EPHB2: variants seen among roughly 807,000 people sequenced by gnomAD.
EPHB2 encodes ephrin type-B receptor 2.
In EPHB2, 18 loss-of-function variants were observed where a neutral mutation model predicts 96.4. That is an observed-to-expected ratio of 0.19 (90% CI 0.13 to 0.28). The LOEUF is 0.28. Ranked by LOEUF, EPHB2 falls within the 10% of genes least tolerant of loss-of-function variation. The pLI, the probability that EPHB2 is intolerant of heterozygous loss-of-function variation, is 1.00. For synonymous variants in EPHB2, 506 were observed against 534.1 expected, an observed-to-expected ratio of 0.95 and a Z score of 0.72; for missense variants, 989 against 1,355.4, an observed-to-expected ratio of 0.73 and a Z score of 4.25.
intron 6 of EPHB2, among the ~76,000 whole-genome samples, chr1:22,883,860 G>T (rs536326370): frequency 6.6e-6 from 1 of 152,112 alleles, no homozygotes; most frequent in Non-Finnish European, 1.5e-5. Context: ...CGGCATCCAG[G>T]CCTGGCACCA....
At chr1:22,718,874 G>A (rs901875115) in intron 1 of EPHB2, among the ~76,000 whole-genome samples, 1 of 152,140 alleles carries the variant, frequency 6.6e-6, no homozygotes, top group African/African-American at 2.4e-5. Context: ...TGAAACCCAA[G>A]TCTGGTGACT....
Position 22,905,899 on chromosome 1 carries a change from T to A in EPHB2, c.1766-88T>A, listed in dbSNP as rs112751034. ...TATGGGGGCCACATGGGAGTGGATT[T>A]CCCTCCACGGAGGGACTGGCTCCCG... On this transcript the variant is annotated intron_variant, in intron 9 of 15. Transcript: ENST00000374630. The A allele has an allele frequency of 1.5e-4, 235 of 1,605,786 alleles. 1 individual carries two copies. In the Middle Eastern group the frequency reaches 3.1e-3, roughly 21 times the overall value.
chr1:22,913,222 C>T lies in EPHB2; in HGVS notation c.2853-240C>T, dbSNP rs1391243663. ...AAGAAAGAAAATGTAAGCTGGCTTCCCCCTCCCAATAGCAGGGGAGAGAAG... is the reference window on the plus strand; with the variant it reads ...AAGAAAGAAAATGTAAGCTGGCTTCTCCCTCCCAATAGCAGGGGAGAGAAG... On this transcript the variant is annotated intron_variant, in intron 15 of 15. Transcript: ENST00000374630. The surrounding 1 kb of genome is among the most constrained non-coding windows in gnomAD (Gnocchi z 4.1). 3.4e-6 allele frequency: 2 copies of T among 586,678 alleles called. No individual in the cohort carries two copies. Among genetic ancestry groups the T allele is most frequent in the Non-Finnish European group, 6.1e-6 (2 of 328,518 alleles). The allele number at this position is 586,678 out of a possible 1,614,324, so 36.3% of individuals were successfully genotyped here.
intron 1 of EPHB2, among the ~76,000 whole-genome samples, chr1:22,713,286 G>A (rs1350470998): frequency 2.0e-5 from 3 of 152,156 alleles, no homozygotes; most frequent in African/African-American, 4.8e-5. Context: ...GGTGTGAGGT[G>A]GAGGTCAGAG....
At chr1:22,861,650 A>T (rs1638262639) in intron 3 of EPHB2, among the ~76,000 whole-genome samples, 1 of 152,086 alleles carries the variant, frequency 6.6e-6, no homozygotes, top group Admixed American at 6.5e-5. Context: ...TTGGTGGGTA[A>T]GTAAAGCACT....
At position 22,910,372 on chromosome 1, in the gene EPHB2, A is replaced by T; in HGVS notation, c.2503-10A>T. 1 of 1,614,140 alleles carries T rather than the reference A, an allele frequency of 6.2e-7. No individual in the cohort carries two copies. The highest frequency in any genetic ancestry group is 8.5e-7 in the Non-Finnish European group (1 of 1,180,000). ...CCACCCAACCCCACTGCACTCCTGC[A>T]TTGTCCCAGGTAATCAATGCCATTG... On this transcript the variant is annotated splice_polypyrimidine_tract_variant and intron_variant, in intron 13 of 15. Transcript: ENST00000374630.
At chr1:22,717,163 G>GCTGGCT (rs1643315712) in intron 1 of EPHB2, among the ~76,000 whole-genome samples, 1 of 152,218 alleles carries the variant, frequency 6.6e-6, no homozygotes, top group African/African-American at 2.4e-5. Flanking sequence ...CCTGGCTGCC[G>GCTGGCT]CTGGCTCGTG....
intron 3 of EPHB2, among the ~76,000 whole-genome samples, chr1:22,800,796 A>T (rs555965317): frequency 0.013 from 1,230 of 95,562 alleles, 7 homozygotes; most frequent in African/African-American, 0.031. Context: ...ACACACACAC[A>T]CTCTCTCTCT....
chr1:22,819,206 TC>T (rs1645116412), intron 3 of EPHB2, among the ~76,000 whole-genome samples: 1 of 5,340 alleles, frequency 1.9e-4, no homozygotes, highest in Admixed American at 1.6e-3. Flanking sequence ...CCAGCAGATG[TC>T]TCTCTCTCTC....
rs1643770518 is a variant in EPHB2 at position 22,733,949 on chromosome 1, T to G, written c.61+22906T>G. 6.6e-6 allele frequency among the ~76,000 whole-genome samples: 1 copy of G among 151,972 alleles called. No individual in the cohort carries two copies. The highest frequency in any genetic ancestry group is 1.5e-5 in the Non-Finnish European group (1 of 68,018). ...GGATTCTTGGCCTGGTGTGATTTGGTGGGGACAGAGCTAGAAGTTGAACCT... is the reference window on the plus strand; with the variant it reads ...GGATTCTTGGCCTGGTGTGATTTGGGGGGGACAGAGCTAGAAGTTGAACCT... On this transcript the variant is annotated intron_variant, in intron 1 of 15. Coordinates refer to ENST00000374630, the MANE Select transcript of EPHB2 (RefSeq NM_017449.5). The surrounding 1 kb of genome is among the most constrained non-coding windows in gnomAD (Gnocchi z 4.6).
At chr1:22,889,187 GA>G (rs754088657) in intron 6 of EPHB2, among the ~76,000 whole-genome samples, 2 of 152,042 alleles carry the variant, frequency 1.3e-5, no homozygotes, top group African/African-American at 2.4e-5. Context: ...AGACAAAAAT[GA>G]AAAATGAAAC....
intron 1 of EPHB2, among the ~76,000 whole-genome samples, chr1:22,718,379 C>CTTTTTT (rs5773014): frequency 4.9e-5 from 4 of 81,466 alleles, no homozygotes; most frequent in African/African-American, 8.7e-5. Flanking sequence ...GCTGTCAATT[C>CTTTTTT]TTTTTTTTTT....
chr1:22,769,672 T>C (rs1644352115), intron 1 of EPHB2, among the ~76,000 whole-genome samples: 1 of 152,176 alleles, frequency 6.6e-6, no homozygotes, highest in African/African-American at 2.4e-5. Context: ...CCTCCCAAAG[T>C]GCTGGGATTA....
Position 22,905,972 on chromosome 1 carries a change from G to A in EPHB2, c.1766-15G>A, listed in dbSNP as rs1639898424. 1 of 1,614,164 alleles carries A rather than the reference G, an allele frequency of 6.2e-7. No homozygotes were observed. Among genetic ancestry groups the A allele is most frequent in the African/African-American group, 1.3e-5 (1 of 75,038 alleles). ...TGAGTCAGTCCATATGACAGAGCCT[G>A]GTCTTGTCCCCCAGTGACCCCAGGC... On this transcript the variant is annotated splice_polypyrimidine_tract_variant and intron_variant, in intron 9 of 15. Coordinates refer to ENST00000374630, the MANE Select transcript of EPHB2 (RefSeq NM_017449.5).
chr1:22,921,491 G>T lies in EPHB2; in HGVS notation c.*7921G>T, dbSNP rs908654958. On this transcript the variant is annotated 3_prime_UTR_variant, in exon 16 of 16. Transcript: ENST00000374630. Reference sequence around the variant, plus strand: ...TTTTTTCCCAAAATAAATGTGAATTGTAAAAATTATCACTTGGACTCAGTA... The same window carrying T: ...TTTTTTCCCAAAATAAATGTGAATTTTAAAAATTATCACTTGGACTCAGTA... 6.6e-6 allele frequency: 1 copy of T among 152,040 alleles called. No individual in the cohort carries two copies. Among genetic ancestry groups the T allele is most frequent in the African/African-American group, 2.4e-5 (1 of 41,414 alleles). The allele number at this position is 152,040 out of a possible 1,614,324, so 9.4% of individuals were successfully genotyped here. A position where few individuals can be genotyped will look rare whatever the true frequency, so the allele number is the denominator to read the frequency against.
chr1:22,827,202 G>A (rs963152122), intron 3 of EPHB2, among the ~76,000 whole-genome samples: 4 of 152,220 alleles, frequency 2.6e-5, no homozygotes, highest in African/African-American at 9.6e-5. Context: ...CCTGCAGAGA[G>A]CCCTCCCTGG....
intron 1 of EPHB2, among the ~76,000 whole-genome samples, chr1:22,721,269 G>A (rs779509519): frequency 2.0e-5 from 3 of 152,204 alleles, no homozygotes; most frequent in African/African-American, 2.4e-5. Context: ...AGCTCTGAGC[G>A]TTGCTTCCAA....
chr1:22,728,904 C>T lies in EPHB2; in HGVS notation c.61+17861C>T, dbSNP rs200994671. On this transcript the variant is annotated intron_variant, in intron 1 of 15. Coordinates refer to ENST00000374630, the MANE Select transcript of EPHB2 (RefSeq NM_017449.5). ...CTGCATGACAGCTCCCAGTGGCCTG[C>T]GGGAGGAGTGTTTTCTCGGCTCCCT... Among the ~76,000 whole-genome samples the T allele has an allele frequency of 1.6e-4, 25 of 152,332 alleles. No individual in the cohort carries two copies. In the East Asian group the frequency reaches 3.7e-3, roughly 22 times the overall value.
At chr1:22,774,391 TTTG>T (rs1481279917) in intron 1 of EPHB2, among the ~76,000 whole-genome samples, 10 of 152,130 alleles carry the variant, frequency 6.6e-5, no homozygotes, top group Non-Finnish European at 2.9e-5. Flanking sequence ...TGACCATGAC[TTTG>T]TTACTTAACC....
Sources: allele counts gnomAD v4.1 joint callset (sites outside exome capture counted in the v4.1 genomes callset), GRCh38; gene constraint gnomAD v4.1.1; non-coding constraint Gnocchi (gnomAD v3.1); transcripts MANE v1.5; gene names NCBI Gene and HGNC (gene_info 2026-07-23, HGNC 2026-07-21).